TENM2: variants seen among roughly 807,000 people sequenced by gnomAD.
TENM2 encodes teneurin transmembrane protein 2, also known as teneurin-2.
In TENM2, 52 loss-of-function variants were observed where a neutral mutation model predicts 245.2. That is an observed-to-expected ratio of 0.21 (90% CI 0.17 to 0.27). The LOEUF (loss-of-function observed/expected upper bound fraction) is 0.27. Among genes scored for constraint, TENM2 ranks in the 10% least tolerant of loss-of-function variants. The pLI is 1.00. For synonymous variants in TENM2, 1,363 were observed against 1,438.9 expected, an observed-to-expected ratio of 0.95 and a Z score of 1.19; for missense variants, 3,046 against 3,666.8, an observed-to-expected ratio of 0.83 and a Z score of 4.37.
At chr5:167,889,311 G>T (rs921847458) in intron 3 of TENM2, among the ~76,000 whole-genome samples, 1 of 152,074 alleles carries the variant, frequency 6.6e-6, no homozygotes, top group Non-Finnish European at 1.5e-5. Flanking sequence ...TGTCCACTGT[G>T]GACGGAGGGC....
At chr5:167,627,032 A>G (rs921640627) in intron 2 of TENM2, among the ~76,000 whole-genome samples, 34 of 152,186 alleles carry the variant, frequency 2.2e-4, no homozygotes, top group African/African-American at 8.0e-4. Flanking sequence ...GAGGGCTTGG[A>G]AAGGAAATGT....
intron 23 of TENM2, among the ~76,000 whole-genome samples, chr5:168,221,102 A>G (rs112636179): frequency 0.061 from 9,028 of 148,700 alleles, 863 homozygotes; most frequent in African/African-American, 0.21. Context: ...ACAGAGCAAC[A>G]CTCTGTCTCA....
chr5:168,222,834 AGCATGAGTGC>A (rs1203234167), intron 23 of TENM2, among the ~76,000 whole-genome samples: 1 of 152,240 alleles, frequency 6.6e-6, no homozygotes, highest in Non-Finnish European at 1.5e-5. Context: ...CTCTTCAGCT[AGCATGAGTGC>A]AAGAATTTTG....
chr5:167,710,422 A>C (rs182406257), intron 2 of TENM2, among the ~76,000 whole-genome samples: 1 of 152,298 alleles, frequency 6.6e-6, no homozygotes, highest in Non-Finnish European at 1.5e-5. Context: ...GGGAGCACTT[A>C]AGTAACCTAG....
the TENM2 span, among the ~76,000 whole-genome samples, chr5:167,088,322 A>G: frequency 1.3e-5 from 2 of 152,138 alleles, no homozygotes; most frequent in East Asian, 1.9e-4. Flanking sequence ...AATGTCTCCA[A>G]TTCTCACTAA....
At chr5:167,129,642 A>G in the TENM2 span, among the ~76,000 whole-genome samples, 1 of 152,158 alleles carries the variant, frequency 6.6e-6, no homozygotes, top group African/African-American at 2.4e-5. Context: ...ATAAATTACT[A>G]TTGGCGTGAA....
the TENM2 span, among the ~76,000 whole-genome samples, chr5:167,254,389 G>A: frequency 3.2e-4 from 48 of 152,264 alleles, no homozygotes; most frequent in African/African-American, 8.4e-4. Context: ...CCTGCTGTGC[G>A]TCACATGGAG....
At chr5:167,603,244 T>C (rs1046560869) in intron 2 of TENM2, among the ~76,000 whole-genome samples, 3 of 152,212 alleles carry the variant, frequency 2.0e-5, no homozygotes, top group Admixed American at 2.0e-4. Flanking sequence ...TGAGATTTCA[T>C]TGGTGAAACT....
At chr5:167,615,255 G>T (rs1777720798) in intron 2 of TENM2, among the ~76,000 whole-genome samples, 1 of 151,970 alleles carries the variant, frequency 6.6e-6, no homozygotes, top group East Asian at 1.9e-4. Context: ...AGAAATATTT[G>T]TTCATGATGA....
At chr5:167,540,711 T>C (rs146031200) in intron 2 of TENM2, among the ~76,000 whole-genome samples, 121 of 152,312 alleles carry the variant, frequency 7.9e-4, no homozygotes, top group African/African-American at 2.7e-3. Context: ...TAGAGCCATA[T>C]CAGTTCCGTA....
At chr5:166,999,723 C>A in the TENM2 span, among the ~76,000 whole-genome samples, 1 of 151,954 alleles carries the variant, frequency 6.6e-6, no homozygotes, top group African/African-American at 2.4e-5. Flanking sequence ...AACAAGTTTT[C>A]GAGGAAAAGA....
chr5:167,512,001 A>C (rs974134733), intron 2 of TENM2, among the ~76,000 whole-genome samples: 8 of 152,216 alleles, frequency 5.3e-5, no homozygotes, highest in Non-Finnish European at 1.0e-4. Flanking sequence ...AGCAAAGCAG[A>C]AATACTGAGC....
At chr5:167,742,282 G>A (rs1013507056) in intron 2 of TENM2, among the ~76,000 whole-genome samples, 5 of 149,790 alleles carry the variant, frequency 3.3e-5, no homozygotes, top group African/African-American at 1.2e-4. Context: ...CTTAACTTTT[G>A]TTTTTATTCC....
At chr5:167,131,341 G>A in the TENM2 span, among the ~76,000 whole-genome samples, 1 of 152,144 alleles carries the variant, frequency 6.6e-6, no homozygotes, top group Non-Finnish European at 1.5e-5. Flanking sequence ...TATGTGCCAG[G>A]CCTTTGGCAA....
At chr5:168,048,010 G>T (rs1274346943) in intron 6 of TENM2, among the ~76,000 whole-genome samples, 1 of 152,210 alleles carries the variant, frequency 6.6e-6, no homozygotes, top group Non-Finnish European at 1.5e-5. Flanking sequence ...TGGGGAGGAA[G>T]CTGCCTGGCT....
chr5:167,798,927 C>A (rs965150635), intron 2 of TENM2, among the ~76,000 whole-genome samples: 1 of 152,240 alleles, frequency 6.6e-6, no homozygotes, highest in Non-Finnish European at 1.5e-5. Flanking sequence ...AAGAACAGTT[C>A]TCTCTCTTCT....
intron 1 of TENM2, among the ~76,000 whole-genome samples, chr5:167,374,785 G>T (rs114297757): frequency 5.0e-4 from 76 of 151,968 alleles, no homozygotes; most frequent in Non-Finnish European, 1.0e-3. Context: ...TCTACAAAAG[G>T]ATTACAGTAA....
At chr5:167,891,782 T>A (rs1011151209) in intron 3 of TENM2, among the ~76,000 whole-genome samples, 1 of 152,134 alleles carries the variant, frequency 6.6e-6, no homozygotes, top group African/African-American at 2.4e-5. Context: ...TCTGAAGATC[T>A]ATCATCGCAT....
chr5:167,659,596 G>A (rs1755071973), intron 2 of TENM2, among the ~76,000 whole-genome samples: 1 of 152,134 alleles, frequency 6.6e-6, no homozygotes, highest in Non-Finnish European at 1.5e-5. Context: ...TTCCTTTAAA[G>A]CAATGCTTGA....
Sources: allele counts gnomAD v4.1 joint callset (sites outside exome capture counted in the v4.1 genomes callset), GRCh38; gene constraint gnomAD v4.1.1; transcripts MANE v1.5; gene names NCBI Gene and HGNC (gene_info 2026-07-23, HGNC 2026-07-21).